The following MBNL3 variants were observed in gnomAD, a reference collection of about 807,000 sequenced individuals.
The protein encoded by MBNL3 is muscleblind-like protein 3.
In MBNL3, 6 loss-of-function variants were observed where a neutral mutation model predicts 24.5. That is an observed-to-expected ratio of 0.25 (90% CI 0.13 to 0.48). The LOEUF is 0.48. MBNL3 is among the 20% of genes least tolerant of loss of function. The pLI, the probability that MBNL3 is intolerant of heterozygous loss-of-function variation, is 0.99. For synonymous variants in MBNL3, 100 were observed against 101.7 expected (o/e 0.98, Z 0.10); for missense variants, 230 against 293.5 (o/e 0.78, Z 1.58).
intron 2 of MBNL3, among the ~76,000 whole-genome samples, chrX:132,423,422 T>C (rs1944005829): frequency 9.0e-6 from 1 of 110,846 alleles, no homozygotes; most frequent in South Asian, 3.8e-4. Flanking sequence ...TTTGAGAACA[T>C]TACCCCTTCT....
intron 5 of MBNL3, among the ~76,000 whole-genome samples, chrX:132,388,131 GGTCTCAAGGTATCTCTATTTTCTTTT>G (rs1936446484): frequency 1.8e-5 from 2 of 111,515 alleles, no homozygotes; most frequent in Admixed American, 1.9e-4. Flanking sequence ...GGATAACAAA[GGTCTCAAGGTATCTCTATTTTCTTTT>G]GGGAACTCTA....
chrX:132,418,770 T>G (rs774400102), intron 2 of MBNL3, among the ~76,000 whole-genome samples: 190 of 112,238 alleles, frequency 1.7e-3, no homozygotes, highest in African/African-American at 5.6e-3. Context: ...TGTTTGTTTG[T>G]TTGGTTTTGT....
At chrX:132,413,739 C>G in intron 2 of MBNL3, 1 of 529,369 alleles carries the variant, frequency 1.9e-6, no homozygotes. Context: ...TAAATACCCT[C>G]GATGTCTGCT....
intron 1 of MBNL3, among the ~76,000 whole-genome samples, chrX:132,478,139 T>C: frequency 8.9e-6 from 1 of 111,928 alleles, no homozygotes; most frequent in Non-Finnish European, 1.9e-5. Flanking sequence ...TTTGGATAAT[T>C]CTTTTGCCAT....
At chrX:132,474,259 C>G (rs368552949) in intron 1 of MBNL3, among the ~76,000 whole-genome samples, 2 of 111,249 alleles carry the variant, frequency 1.8e-5, no homozygotes, top group East Asian at 5.6e-4. Context: ...CAGAGTAAAC[C>G]TATATCCTCT....
chrX:132,464,970 G>A (rs1156285676), intron 1 of MBNL3, among the ~76,000 whole-genome samples: 1 of 111,504 alleles, frequency 9.0e-6, no homozygotes, highest in South Asian at 3.8e-4. Context: ...GCTTGAACCC[G>A]GGAGGCAGAG....
chrX:132,470,200 T>C (rs1028130020), intron 1 of MBNL3, among the ~76,000 whole-genome samples: 1 of 111,470 alleles, frequency 9.0e-6, no homozygotes, highest in Non-Finnish European at 1.9e-5. Flanking sequence ...AAGAAGGACA[T>C]CTAAGGCAAT....
chrX:132,392,218 A>G lies in MBNL3; in HGVS notation c.459T>C (p.Val153=), dbSNP rs1404330374. The G allele has an allele frequency of 1.7e-6, 2 of 1,209,056 alleles. No individual in the cohort carries two copies. Among genetic ancestry groups the G allele is most frequent in the Non-Finnish European group, 2.2e-6 (2 of 894,686 alleles). ...CAAGAGGTGGGTTTCCAGGAATCAGAACAGGTGTATTTGGTACAAGTTCTG... is the reference window on the plus strand; with the variant it reads ...CAAGAGGTGGGTTTCCAGGAATCAGGACAGGTGTATTTGGTACAAGTTCTG... The part of the protein sequence containing the change: ...VPAELVPNTP[V]LIPGNPPLAM... Residue 153 remains valine, a synonymous_variant, in exon 4 of 9, where the codon GTT becomes GTC. Transcript: ENST00000370853.
intron 1 of MBNL3, among the ~76,000 whole-genome samples, chrX:132,453,736 G>A (rs1186421089): frequency 9.0e-6 from 1 of 111,107 alleles, no homozygotes; most frequent in African/African-American, 3.3e-5. Context: ...TGGGTATAAT[G>A]GCATCCTGTA....
intron 3 of MBNL3, among the ~76,000 whole-genome samples, chrX:132,396,959 C>CAT (rs1327467294): frequency 1.9e-4 from 14 of 73,013 alleles, no homozygotes; most frequent in African/African-American, 4.8e-4. Flanking sequence ...CATATATATT[C>CAT]ATATATATAT....
intron 1 of MBNL3, among the ~76,000 whole-genome samples, chrX:132,486,835 A>G (rs1286088410): frequency 3.6e-5 from 4 of 111,751 alleles, no homozygotes; most frequent in South Asian, 3.7e-4. Flanking sequence ...ACAGTTGAGG[A>G]AAAAAAAGGT....
rs139452608 is a variant in MBNL3, at chrX:132,409,833, C to T, written c.178-3441G>A. On this transcript the variant is annotated intron_variant, in intron 2 of 8. Transcript: ENST00000370853. ...TAGAGTGCAAGCTCATTTATGCTTG[C>T]CTCAATTTCCCTCCTTTTCCATTTC... is the stretch of plus-strand genomic sequence containing the variant. Among the ~76,000 whole-genome samples the T allele has an allele frequency of 7.9e-3, 884 of 111,724 alleles. 5 individuals are homozygous for T. The highest frequency in any genetic ancestry group is 0.027 in the African/African-American group (834 of 30,739).
At chrX:132,402,580 C>G (rs746406456) in intron 3 of MBNL3, among the ~76,000 whole-genome samples, 5 of 111,740 alleles carry the variant, frequency 4.5e-5, no homozygotes, top group Non-Finnish European at 9.4e-5. Flanking sequence ...GGAACAATCT[C>G]TCTTAAACTG....
intron 2 of MBNL3, among the ~76,000 whole-genome samples, chrX:132,424,856 G>A (rs910552583): frequency 6.6e-5 from 7 of 106,227 alleles, no homozygotes; most frequent in African/African-American, 2.4e-4. Context: ...TATTTCTTTA[G>A]TGGGACAATA....
In MBNL3 at chrX:132,390,798, T is replaced by C. The variant is rs752361268; in HGVS notation, c.771+49A>G. ...AGGATATTAGACAAATTGAGGAATA[T>C]ACAAAGCATTTACTCTGAAACAGGC... On this transcript the variant is annotated intron_variant, in intron 5 of 8. Coordinates refer to ENST00000370853, the MANE Select transcript of MBNL3 (RefSeq NM_001386889.1). 35 of 1,039,196 alleles carry C rather than the reference T, an allele frequency of 3.4e-5. No individual in the cohort carries two copies. In the East Asian group the frequency reaches 7.9e-4, roughly 23 times the overall value. 85.6% of individuals were successfully genotyped at this position (1,039,196 alleles called of 1,213,427 possible).
intron 2 of MBNL3, chrX:132,437,963 A>T: frequency 1.8e-6 from 1 of 568,727 alleles, no homozygotes; most frequent in Non-Finnish European, 2.1e-6. Flanking sequence ...AAAACAAAAA[A>T]CAAAAAACTA....
intron 2 of MBNL3, among the ~76,000 whole-genome samples, chrX:132,408,796 TA>T (rs1341337835): frequency 7.1e-5 from 8 of 112,305 alleles, no homozygotes; most frequent in African/African-American, 2.6e-4. Context: ...GCTATAAAAC[TA>T]AAGTATGGAA....
In MBNL3 at chrX:132,376,914, A is replaced by G. The variant is rs767170308; in HGVS notation, c.*2752T>C. On this transcript the variant is annotated 3_prime_UTR_variant, in exon 9 of 9. Transcript: ENST00000370853. Reference sequence around the variant, plus strand: ...AACTTTTAAAATGCCAACAATGTAGAAAATTGTGGCACCAAAAATACAGTG... The same window carrying G: ...AACTTTTAAAATGCCAACAATGTAGGAAATTGTGGCACCAAAAATACAGTG... 11 of 111,760 alleles carry G rather than the reference A, an allele frequency of 9.8e-5. No individual in the cohort carries two copies. Among genetic ancestry groups the G allele is most frequent in the African/African-American group, 3.6e-4 (11 of 30,831 alleles). 9.2% of individuals were successfully genotyped at this position (111,760 alleles called of 1,213,427 possible). A position where few individuals can be genotyped will look rare whatever the true frequency, so the allele number is the denominator to read the frequency against.
chrX:132,380,020 G>A (rs1162110316), intron 8 of MBNL3, among the ~76,000 whole-genome samples: 2 of 112,279 alleles, frequency 1.8e-5, no homozygotes, highest in Admixed American at 9.5e-5. Context: ...GTTTGATACC[G>A]AACATTTTGA....
Sources: gnomAD v4.1 joint callset for allele counts (sites outside exome capture counted in the v4.1 genomes callset) on GRCh38, gnomAD v4.1.1 for gene constraint, MANE v1.5 for transcripts, NCBI Gene and HGNC (gene_info 2026-07-23, HGNC 2026-07-21) for gene names.